PZP: variants seen among roughly 807,000 people sequenced by gnomAD.
PZP encodes PZP alpha-2-macroglobulin like.
A neutral mutation model predicts 179.8 loss-of-function variants in PZP; 150 were observed. The ratio of observed to expected loss-of-function variants is 0.83; its 90% CI spans 0.73 to 0.96. The LOEUF (loss-of-function observed/expected upper bound fraction) is 0.96, where lower values mean the gene tolerates loss of function less well. PZP is among the 40% of genes least tolerant of loss of function. The probability of loss-of-function intolerance (pLI) is 0.00; values close to 1 mark genes in which losing one functional copy is unlikely to be tolerated. For synonymous variants in PZP, 624 were observed against 652.3 expected, an observed-to-expected ratio of 0.96 and a Z score of 0.66; for missense variants, 1,689 against 1,764.0, an observed-to-expected ratio of 0.96 and a Z score of 0.76.
chr12:9,143,894 T>A (rs1939867880), downstream of PZP, among the ~76,000 whole-genome samples: 1 of 152,174 alleles, frequency 6.6e-6, no homozygotes, highest in Non-Finnish European at 1.5e-5. Flanking sequence ...GGTGTCTGTT[T>A]TTGTTGTAGG....
Position 9,192,213 on chromosome 12 carries a change from A to G in PZP, c.1526T>C (p.Leu509Pro), listed in dbSNP as rs770857038. The stretch of plus-strand genomic sequence containing the variant: ...CTCACTGTCTCCTGACTCCACAGGC[A>G]GAGTGTGGGTTCCAGATCTGACGAT... ...GVIVRSGTHT[L>P]PVESGDMKGS... Residue 509 changes from leucine to proline, a missense_variant, in exon 13 of 36, where the codon CTG becomes CCG. By Grantham distance (98) the Leu-to-Pro change is moderately conservative. This residue lies in a region of PZP where 742 missense variants were observed against 730.5 expected (regional missense o/e 1.02). Coordinates refer to ENST00000261336, the MANE Select transcript of PZP (RefSeq NM_002864.3). 6 of 1,613,982 alleles carry G rather than the reference A, an allele frequency of 3.7e-6. No homozygotes were observed. Among genetic ancestry groups the G allele is most frequent in the Non-Finnish European group, 5.1e-6 (6 of 1,179,860 alleles).
At chr12:9,146,492 A>C (rs1447236986), downstream of PZP, among the ~76,000 whole-genome samples, 1 of 152,008 alleles carries the variant, frequency 6.6e-6, no homozygotes, top group Non-Finnish European at 1.5e-5. Context: ...ACATAATTCC[A>C]TTTCATTAGT....
chr12:9,189,784 C>T (rs986132187), intron 13 of PZP, among the ~76,000 whole-genome samples: 2 of 152,026 alleles, frequency 1.3e-5, no homozygotes, highest in South Asian at 2.1e-4. Flanking sequence ...AGAATTTAAA[C>T]ACATTTACAA....
At chr12:9,141,201 G>A in the PZP span, among the ~76,000 whole-genome samples, 1 of 152,034 alleles carries the variant, frequency 6.6e-6, no homozygotes, top group Non-Finnish European at 1.5e-5. Context: ...AGAAATATAG[G>A]AGTCTCTTAT....
rs549821929 is a variant in PZP, at chr12:9,202,226, T to G, written c.480+93A>C. On this transcript the variant is annotated intron_variant, in intron 4 of 35. Transcript: ENST00000261336. ...AGCCAAGTTCAAAAACAAGTGTCTT[T>G]CATCCTCTCGCTTTTCTTGTACCTT... is the stretch of plus-strand genomic sequence containing the variant. 6.2e-5 allele frequency: 73 copies of G among 1,184,680 alleles called. 1 individual carries two copies. In the African/African-American group the frequency reaches 1.1e-3, roughly 17 times the overall value. 73.4% of individuals were successfully genotyped at this position (1,184,680 alleles called of 1,614,324 possible).
rs146106171 is a variant in PZP, at chr12:9,184,019, A to G, written c.1547-1902T>C. 4.3e-3 allele frequency among the ~76,000 whole-genome samples: 649 copies of G among 152,352 alleles called. 4 individuals are homozygous for G. The highest frequency in any genetic ancestry group is 0.014 in the African/African-American group (600 of 41,570). ...CCCTTTTATCACTGTCTTGAGTTCA[A>G]CAAGGAAAGTGGGGTAGATTGAAAT... is the stretch of plus-strand genomic sequence containing the variant. On this transcript the variant is annotated intron_variant, in intron 13 of 35. Transcript: ENST00000261336.
In PZP at chr12:9,160,456, T is replaced by C. The variant is rs1281884034; in HGVS notation, c.2907A>G (p.Gln969=). 6.2e-7 allele frequency: 1 copy of C among 1,613,866 alleles called. No homozygotes were observed. Among genetic ancestry groups the C allele is most frequent in the African/African-American group, 1.3e-5 (1 of 74,926 alleles). Residue 969 remains glutamine (Q), a synonymous_variant, in exon 24 of 36, where the codon CAA becomes CAG. Transcript: ENST00000261336. Reference sequence around the variant, plus strand: ...AGCCATATGGCATCTGGAGGAGATTTTGTATATTTTGCATAGCAGAACCTA... The same window carrying C: ...AGCCATATGGCATCTGGAGGAGATTCTGTATATTTTGCATAGCAGAACCTA... ...DILGSAMQNI[Q]NLLQMPYGCG...
intron 13 of PZP, among the ~76,000 whole-genome samples, chr12:9,184,916 AG>A (rs1943009850): frequency 6.6e-6 from 1 of 152,230 alleles, no homozygotes. Flanking sequence ...ATAGGATAAA[AG>A]GAAAAAATCA....
At chr12:9,149,046 T>C (rs1445193619) in intron 35 of PZP, 52 bp from the exon 36 acceptor site, 1 of 1,528,606 alleles carries the variant, frequency 6.5e-7, no homozygotes. Flanking sequence ...TGAGGAGCAT[T>C]CAGTTGAGTG....
At chr12:9,181,860 G>T in intron 14 of PZP, 115 bp downstream of exon 14, 1 of 1,165,478 alleles carries the variant, frequency 8.6e-7, no homozygotes, top group Non-Finnish European at 1.2e-6. Flanking sequence ...AACTTGTTGG[G>T]AACTGTTGGG....
chr12:9,163,644 T>C (rs1356895119), intron 21 of PZP, 24 bp downstream of exon 21: 1 of 1,610,962 alleles, frequency 6.2e-7, no homozygotes, highest in East Asian at 2.2e-5. Flanking sequence ...TTACAGTTGT[T>C]AGGGACTCCC....
At chr12:9,162,992 C>T (rs1941321016) in intron 21 of PZP, among the ~76,000 whole-genome samples, 1 of 152,142 alleles carries the variant, frequency 6.6e-6, no homozygotes, top group Admixed American at 6.5e-5. Context: ...TATGTGTTTG[C>T]ATCATTCAGC....
At position 9,162,549 on chromosome 12, in the gene PZP, C is replaced by G. The variant is rs375082633; in HGVS notation, c.2788+48G>C. 5.0e-5 allele frequency: 67 copies of G among 1,330,188 alleles called. No individual in the cohort carries two copies. The African/African-American group carries it at 8.3e-4, about 16-fold the overall frequency. 82.4% of individuals were successfully genotyped at this position (1,330,188 alleles called of 1,614,324 possible). A position where few individuals can be genotyped will look rare whatever the true frequency, so the allele number is the denominator to read the frequency against. ...TGTGCATTGTAACTTGAGGTTTATA[C>G]CCCTTTGTGGTTTTGATCTCACTAT... On this transcript the variant is annotated intron_variant, in intron 22 of 35. Transcript: ENST00000261336.
intron 13 of PZP, among the ~76,000 whole-genome samples, chr12:9,185,257 C>A (rs895528896): frequency 1.3e-5 from 2 of 152,164 alleles, no homozygotes; most frequent in Non-Finnish European, 2.9e-5. Context: ...CAGAGCTGAA[C>A]AACAGTCTAC....
intron 1 of PZP, among the ~76,000 whole-genome samples, chr12:9,207,257 G>T (rs1352803731): frequency 6.6e-6 from 1 of 152,172 alleles, no homozygotes; most frequent in African/African-American, 2.4e-5. Flanking sequence ...GACACGATAG[G>T]CATCTAGAAG....
chr12:9,179,220 A>G (rs1942593564), intron 15 of PZP, among the ~76,000 whole-genome samples: 1 of 152,166 alleles, frequency 6.6e-6, no homozygotes, highest in South Asian at 2.1e-4. Context: ...TTATTCTTCA[A>G]AAACCCCATA....
At chr12:9,190,749 TA>T (rs1319169103) in intron 13 of PZP, among the ~76,000 whole-genome samples, 33 of 152,202 alleles carry the variant, frequency 2.2e-4, no homozygotes, top group Non-Finnish European at 2.6e-4. Context: ...TTTCATTATT[TA>T]AAATCTCAAT....
At chr12:9,200,585 A>G in intron 6 of PZP, 137 bp from the exon 7 acceptor site, 1 of 739,010 alleles carries the variant, frequency 1.4e-6, no homozygotes, top group Admixed American at 2.9e-5. Context: ...CAACTTTAAG[A>G]TGGTAAGGTT....
chr12:9,204,466 C>T (rs1451114788), intron 1 of PZP, among the ~76,000 whole-genome samples: 2 of 152,182 alleles, frequency 1.3e-5, no homozygotes, highest in Non-Finnish European at 2.9e-5. Context: ...TATATCATTA[C>T]ACAAAATAAC....
Sources: allele counts gnomAD v4.1 joint callset (sites outside exome capture counted in the v4.1 genomes callset), GRCh38; gene constraint gnomAD v4.1.1; regional missense constraint gnomAD v4.1.1; transcripts MANE v1.5; gene names NCBI Gene and HGNC (gene_info 2026-07-23, HGNC 2026-07-21).